COL25A1: variants seen among roughly 807,000 people sequenced by gnomAD.
COL25A1 encodes the protein collagen type XXV alpha 1 chain.
A neutral mutation model predicts 128.4 loss-of-function variants in COL25A1; 103 were observed. The observed-to-expected ratio is 0.80, with a 90% CI of 0.68 to 0.94. The LOEUF (loss-of-function observed/expected upper bound fraction) is 0.94, where lower values mean the gene tolerates loss of function less well. COL25A1 is among the 40% of genes least tolerant of loss of function. COL25A1 has a pLI of 0.00. For missense variants in COL25A1, 745 were observed against 840.0 expected, an observed-to-expected ratio of 0.89 and a Z score of 1.40; for synonymous variants, 279 against 277.2, an observed-to-expected ratio of 1.01 and a Z score of -0.06.
At chr4:109,012,946 G>C (rs2126049272) in intron 5 of COL25A1, among the ~76,000 whole-genome samples, 1 of 152,352 alleles carries the variant, frequency 6.6e-6, no homozygotes, top group African/African-American at 2.4e-5. Context: ...AGTCAGGTGG[G>C]AACTTGGAGA....
At chr4:109,207,506 CTCGGGTGTTG>C in intron 3 of COL25A1, among the ~76,000 whole-genome samples, 1 of 152,150 alleles carries the variant, frequency 6.6e-6, no homozygotes, top group South Asian at 2.1e-4. Context: ...TAAGATATAG[CTCGGGTGTTG>C]AATGTCACTT....
chr4:109,269,230 A>G (rs1782011408), intron 3 of COL25A1, among the ~76,000 whole-genome samples: 1 of 151,458 alleles, frequency 6.6e-6, no homozygotes, highest in Admixed American at 6.6e-5. Context: ...ATGGTTTCCA[A>G]TTTCATCCAT....
At chr4:109,106,523 T>G (rs1766445868) in intron 3 of COL25A1, among the ~76,000 whole-genome samples, 1 of 152,094 alleles carries the variant, frequency 6.6e-6, no homozygotes, top group Non-Finnish European at 1.5e-5. Context: ...ACAGGATTAT[T>G]CATGACACTG....
intron 5 of COL25A1, among the ~76,000 whole-genome samples, chr4:109,036,357 C>T (rs1423456169): frequency 6.6e-6 from 1 of 152,098 alleles, no homozygotes. Context: ...TCTCATTTTC[C>T]ACACGACTTT....
At chr4:109,268,208 T>C (rs373299367) in intron 3 of COL25A1, among the ~76,000 whole-genome samples, 4 of 152,210 alleles carry the variant, frequency 2.6e-5, no homozygotes, top group Non-Finnish European at 4.4e-5. Flanking sequence ...TTAAGAAATT[T>C]GGGCGACTGA....
chr4:109,270,867 A>G (rs1411297478), intron 3 of COL25A1, among the ~76,000 whole-genome samples: 1 of 152,242 alleles, frequency 6.6e-6, no homozygotes, highest in African/African-American at 2.4e-5. Context: ...TCTTGCCAGC[A>G]TAATTACTAT....
At chr4:109,081,083 G>C (rs1034179167) in intron 3 of COL25A1, among the ~76,000 whole-genome samples, 1 of 152,122 alleles carries the variant, frequency 6.6e-6, no homozygotes, top group Non-Finnish European at 1.5e-5. Flanking sequence ...TTCATGCATG[G>C]TCAATATTTC....
chr4:109,283,512 C>A (rs1418133965), intron 3 of COL25A1, among the ~76,000 whole-genome samples: 1 of 152,124 alleles, frequency 6.6e-6, no homozygotes, highest in Non-Finnish European at 1.5e-5. Context: ...ATCCTCCCAC[C>A]TAGGCATCCC....
At chr4:108,920,007 C>T (rs551117857) in intron 12 of COL25A1, among the ~76,000 whole-genome samples, 1 of 152,276 alleles carries the variant, frequency 6.6e-6, no homozygotes, top group African/African-American at 2.4e-5. Context: ...GGTGATCCAA[C>T]AGCCTCAGCC....
intron 26 of COL25A1, among the ~76,000 whole-genome samples, chr4:108,851,001 G>C (rs1246664419): frequency 1.3e-5 from 2 of 152,096 alleles, no homozygotes; most frequent in African/African-American, 2.4e-5. Flanking sequence ...TTTAGCTTTG[G>C]GGACAATTTT....
At chr4:108,916,208 A>G (rs1744854885) in intron 13 of COL25A1, among the ~76,000 whole-genome samples, 1 of 152,188 alleles carries the variant, frequency 6.6e-6, no homozygotes, top group East Asian at 1.9e-4. Context: ...TTTAAATTAC[A>G]TTTTGCTGAT....
At chr4:108,885,135 G>C (rs1177394437) in intron 18 of COL25A1, among the ~76,000 whole-genome samples, 3 of 152,150 alleles carry the variant, frequency 2.0e-5, no homozygotes, top group African/African-American at 7.2e-5. Context: ...TTAGTGGGAT[G>C]ACAACTATAC....
intron 3 of COL25A1, among the ~76,000 whole-genome samples, chr4:109,179,405 T>C (rs1050752889): frequency 1.3e-5 from 2 of 152,248 alleles, no homozygotes; most frequent in African/African-American, 2.4e-5. Context: ...TGTTACACCA[T>C]GGTCATCTGA....
intron 5 of COL25A1, among the ~76,000 whole-genome samples, chr4:109,012,702 GCCGCCTCT>G (rs1307441928): frequency 6.6e-6 from 1 of 152,204 alleles, no homozygotes; most frequent in Non-Finnish European, 1.5e-5. Flanking sequence ...CCGGGCCTCA[GCCGCCTCT>G]CCGCCGGGCA....
intron 5 of COL25A1, among the ~76,000 whole-genome samples, chr4:109,014,340 G>C (rs1014831130): frequency 6.6e-6 from 1 of 151,832 alleles, no homozygotes; most frequent in South Asian, 2.1e-4. Flanking sequence ...ATATTTTATA[G>C]AATCCCAGAA....
At chr4:108,942,869 T>C (rs1365327348) in intron 8 of COL25A1, among the ~76,000 whole-genome samples, 1 of 145,636 alleles carries the variant, frequency 6.9e-6, no homozygotes, top group Non-Finnish European at 1.5e-5. Context: ...TGATTCTCTG[T>C]CTCAGCCTGC....
At chr4:108,854,517 GA>G (rs980462435) in intron 24 of COL25A1, among the ~76,000 whole-genome samples, 2 of 151,254 alleles carry the variant, frequency 1.3e-5, no homozygotes, top group African/African-American at 2.4e-5. Flanking sequence ...AAATTTACAA[GA>G]AAAAAAACCA....
intron 5 of COL25A1, among the ~76,000 whole-genome samples, chr4:109,036,977 G>T (rs886954550): frequency 4.6e-5 from 7 of 152,140 alleles, no homozygotes; most frequent in African/African-American, 1.4e-4. Flanking sequence ...ACAGTTGAAT[G>T]AAATTATATA....
intron 31 of COL25A1, among the ~76,000 whole-genome samples, chr4:108,840,816 C>T (rs941948723): frequency 6.6e-6 from 1 of 152,204 alleles, no homozygotes; most frequent in Non-Finnish European, 1.5e-5. Context: ...TGTCTTCTGA[C>T]ATTTATCAAC....
Sources: allele counts gnomAD v4.1 joint callset (sites outside exome capture counted in the v4.1 genomes callset), GRCh38; gene constraint gnomAD v4.1.1; transcripts MANE v1.5; gene names NCBI Gene and HGNC (gene_info 2026-07-23, HGNC 2026-07-21).